The following GAB1 variants were observed in gnomAD, a reference collection of about 807,000 sequenced individuals.
GAB1 encodes the protein GRB2 associated binding protein 1, also known as GRB2-associated-binding protein 1.
A neutral mutation model predicts 66.5 loss-of-function variants in GAB1; 19 were observed. The observed-to-expected ratio is 0.29, with a 90% CI of 0.20 to 0.42. The LOEUF (loss-of-function observed/expected upper bound fraction) is 0.42. Ranked by LOEUF, GAB1 falls within the 10% of genes least tolerant of loss-of-function variation. The pLI is 1.00. For missense variants in GAB1, 732 were observed against 858.5 expected, an observed-to-expected ratio of 0.85 and a Z score of 1.84; for synonymous variants, 294 against 301.4, an observed-to-expected ratio of 0.98 and a Z score of 0.25.
chr4:143,397,893 T>G (rs1438103575), intron 1 of GAB1, among the ~76,000 whole-genome samples: 1 of 152,210 alleles, frequency 6.6e-6, no homozygotes, highest in Non-Finnish European at 1.5e-5. Context: ...CAGAAGAGTT[T>G]TATTCTGTCT....
At chr4:143,361,428 A>G (rs967748287) in intron 1 of GAB1, among the ~76,000 whole-genome samples, 7 of 152,278 alleles carry the variant, frequency 4.6e-5, no homozygotes, top group African/African-American at 1.7e-4. Flanking sequence ...CCTTTGACCA[A>G]AGGCAATGAA....
At chr4:143,451,459 G>T (rs532752755) in intron 6 of GAB1, among the ~76,000 whole-genome samples, 1 of 152,010 alleles carries the variant, frequency 6.6e-6, no homozygotes. Flanking sequence ...TACCATTAAA[G>T]AATTTTATGC....
Position 143,425,140 on chromosome 4 carries a change from A to T in GAB1, c.368-8351A>T, listed in dbSNP as rs998088488. ...ACCCACTTAGGTGGCACCAGTCTTG[A>T]CTTCCAGATGGAATAGTACATCTCT... On this transcript the variant is annotated intron_variant, in intron 2 of 9. Coordinates refer to ENST00000262994, the MANE Select transcript of GAB1 (RefSeq NM_002039.4). The T allele has an allele frequency of 1.2e-5, 10 of 816,872 alleles. No homozygotes were observed. The Admixed American group carries it at 1.7e-4, about 14-fold the overall frequency. The allele number at this position is 816,872 out of a possible 1,614,324, so 50.6% of individuals were successfully genotyped here.
intron 2 of GAB1, among the ~76,000 whole-genome samples, chr4:143,427,545 A>C (rs7697952): frequency 0.047 from 7,095 of 152,050 alleles, 426 homozygotes; most frequent in African/African-American, 0.14. Context: ...TAAAAAAAAA[A>C]AACAACAACA....
At chr4:143,419,463 T>C (rs923811867) in intron 2 of GAB1, among the ~76,000 whole-genome samples, 9 of 152,134 alleles carry the variant, frequency 5.9e-5, no homozygotes, top group African/African-American at 2.2e-4. Flanking sequence ...TTAGGTTGAG[T>C]GTAACTCTTG....
chr4:143,414,651 C>T (rs563620842), intron 1 of GAB1, among the ~76,000 whole-genome samples: 17 of 152,190 alleles, frequency 1.1e-4, no homozygotes, highest in African/African-American at 3.1e-4. Flanking sequence ...CTTTCCCCCT[C>T]CCTACTCCTT....
chr4:143,446,571 T>G (rs1578729949), intron 6 of GAB1, among the ~76,000 whole-genome samples: 2 of 152,058 alleles, frequency 1.3e-5, no homozygotes, highest in South Asian at 2.1e-4. Context: ...TTCATGTGTC[T>G]TCTGGCTGCA....
rs141702089 is a variant in GAB1, at chr4:143,425,551, A to G, written c.368-7940A>G. 6 of 762,828 alleles carry G rather than the reference A, an allele frequency of 7.9e-6. No homozygotes were observed. In the East Asian group the frequency reaches 1.5e-4, roughly 19 times the overall value. The allele number at this position is 762,828 out of a possible 1,614,324, so 47.3% of individuals were successfully genotyped here. On this transcript the variant is annotated intron_variant, in intron 2 of 9. Transcript: ENST00000262994. ...ATCCCATGCAACAACAAGGGAGCTC[A>G]CTCCGTGGGTTTGATGTGGATGCTG...
Position 143,384,388 on chromosome 4 carries a change from A to AG in GAB1, c.73-31088dup, listed in dbSNP as rs1381132037. Among the ~76,000 whole-genome samples the AG allele has an allele frequency of 2.6e-5, 4 of 152,214 alleles. No homozygotes were observed. The East Asian group carries it at 5.8e-4, about 22-fold the overall frequency. On this transcript the variant is annotated intron_variant, in intron 1 of 9. Coordinates refer to ENST00000262994, the MANE Select transcript of GAB1 (RefSeq NM_002039.4). ...AAACATTTCTTTCCTTTAAATTTGA[A>AG]GTAAGGTTAAAGTTTTTTGCAACCA...
intron 1 of GAB1, among the ~76,000 whole-genome samples, chr4:143,382,737 T>C (rs1730709373): frequency 6.6e-6 from 1 of 152,100 alleles, no homozygotes; most frequent in African/African-American, 2.4e-5. Flanking sequence ...AGTGTGAAAC[T>C]GAGGACGCTG....
At chr4:143,419,762 T>C (rs1732915489) in intron 2 of GAB1, among the ~76,000 whole-genome samples, 1 of 152,132 alleles carries the variant, frequency 6.6e-6, no homozygotes. Context: ...CCTGGTTATT[T>C]CCCCAAATAG....
intron 1 of GAB1, among the ~76,000 whole-genome samples, chr4:143,340,011 AGTTAAATAAGGCTTATTTAACTGTCAG>A (rs911291693): frequency 4.6e-5 from 7 of 151,726 alleles, no homozygotes; most frequent in Admixed American, 2.0e-4. Context: ...GAGTGTAATG[AGTTAAATAAGGCTTATTTAACTGTCAG>A]GTTAAATAAG....
rs185160728 is a variant in GAB1 at position 143,365,437 on chromosome 4, A to G, written c.72+28177A>G. On this transcript the variant is annotated intron_variant, in intron 1 of 9. Transcript: ENST00000262994. The stretch of plus-strand genomic sequence containing the variant: ...TCTCTAATGTGCCCCATCAATGTCT[A>G]GTACAAGACTTGACATATAGAAGAC... 1.8e-4 allele frequency among the ~76,000 whole-genome samples: 27 copies of G among 152,308 alleles called. No homozygotes were observed. In the East Asian group the frequency reaches 4.8e-3, roughly 27 times the overall value.
rs1010123836 is a variant in GAB1, at chr4:143,440,163, C to A, written c.1366C>A (p.Pro456Thr). Residue 456 changes from proline (P) to threonine (T), a missense_variant, in exon 6 of 10, where the codon CCA (proline) becomes ACA (threonine). Pro to Thr is a conservative substitution (Grantham distance 38, BLOSUM62 -1). This residue lies in a region of GAB1 where 427 missense variants were observed against 420.6 expected (regional missense o/e 1.02). Coordinates refer to ENST00000262994, the MANE Select transcript of GAB1 (RefSeq NM_002039.4). Reference protein sequence around the residue: ...NYVPMNPNSPPRQHSSSFTEP... With the variant: ...NYVPMNPNSPTRQHSSSFTEP... ...CGTCCCAATGAATCCCAATTCACCA[C>A]CACGACAACATTCCAGCAGTTTTAC... is the stretch of plus-strand genomic sequence containing the variant. The A allele has an allele frequency of 2.5e-6, 4 of 1,614,146 alleles. No individual in the cohort carries two copies. The highest frequency in any genetic ancestry group is 3.4e-6 in the Non-Finnish European group (4 of 1,179,974).
At chr4:143,356,603 C>G (rs1440738455) in intron 1 of GAB1, among the ~76,000 whole-genome samples, 2 of 152,144 alleles carry the variant, frequency 1.3e-5, no homozygotes, top group Non-Finnish European at 1.5e-5. Flanking sequence ...GGCAGTTGCT[C>G]AGCCAACAGT....
intron 1 of GAB1, among the ~76,000 whole-genome samples, chr4:143,341,359 A>G (rs1728818040): frequency 1.3e-5 from 2 of 152,242 alleles, no homozygotes; most frequent in South Asian, 4.1e-4. Context: ...TCAGAACCTG[A>G]AATTTTAGCT....
intron 1 of GAB1, among the ~76,000 whole-genome samples, chr4:143,373,176 C>T (rs1184691922): frequency 6.6e-6 from 1 of 152,134 alleles, no homozygotes; most frequent in African/African-American, 2.4e-5. Flanking sequence ...TGTTACCCAG[C>T]ATCTCTATTA....
intron 6 of GAB1, among the ~76,000 whole-genome samples, chr4:143,451,855 T>G (rs1287632492): frequency 6.6e-6 from 1 of 151,864 alleles, no homozygotes; most frequent in African/African-American, 2.4e-5. Context: ...CAGTGCGAGT[T>G]CATCACTTTC....
At chr4:143,444,468 C>T (rs1734403147) in intron 6 of GAB1, among the ~76,000 whole-genome samples, 1 of 152,186 alleles carries the variant, frequency 6.6e-6, no homozygotes, top group Non-Finnish European at 1.5e-5. Context: ...GGGGAGCATA[C>T]AGAAGACTAA....
Sources: allele counts gnomAD v4.1 joint callset (sites outside exome capture counted in the v4.1 genomes callset), GRCh38; gene constraint gnomAD v4.1.1; regional missense constraint gnomAD v4.1.1; transcripts MANE v1.5; gene names NCBI Gene and HGNC (gene_info 2026-07-23, HGNC 2026-07-21).